Variants in ABLIM3 observed in about 807,000 individuals in gnomAD.
ABLIM3 encodes the protein actin binding LIM protein family member 3, also known as actin-binding LIM protein 3.
ABLIM3 carries 61 observed loss-of-function variants against 109.5 expected under a neutral mutation model. The ratio of observed to expected loss-of-function variants is 0.56; its 90% CI spans 0.45 to 0.69. ABLIM3 has a LOEUF of 0.69. Among genes scored for constraint, ABLIM3 ranks in the 30% least tolerant of loss-of-function variants. The pLI is 0.00. For synonymous variants in ABLIM3, 300 were observed against 324.8 expected (o/e 0.92, Z 0.82); for missense variants, 796 against 889.5 (o/e 0.89, Z 1.34).
chr5:149,245,870 T>G (rs765881486), intron 16 of ABLIM3, among the ~76,000 whole-genome samples: 1 of 152,194 alleles, frequency 6.6e-6, no homozygotes, highest in African/African-American at 2.4e-5. Flanking sequence ...AGCTCAGAGA[T>G]GACTCTTTGG....
Position 149,222,661 on chromosome 5 carries a change from C to CTT in ABLIM3, c.757+5638_757+5639dup, listed in dbSNP as rs552243427. 1.1e-3 allele frequency among the ~76,000 whole-genome samples: 135 copies of CTT among 124,398 alleles called. 1 individual carries two copies. The highest frequency in any genetic ancestry group is 3.7e-3 in the African/African-American group (119 of 32,194). 81.6% of individuals were successfully genotyped at this position (124,398 alleles called of 152,430 possible). A position where few individuals can be genotyped will look rare whatever the true frequency, so the allele number is the denominator to read the frequency against. On this transcript the variant is annotated intron_variant, in intron 8 of 23. Transcript: ENST00000309868. ...GTGTAACTGAATCTATTTCAGATTACTTTTTTTTTTTTTTTTTTTTTTTTA... is the reference window on the plus strand; with the variant it reads ...GTGTAACTGAATCTATTTCAGATTACTTTTTTTTTTTTTTTTTTTTTTTTTTA...
chr5:149,183,753 T>C (rs560001115), intron 3 of ABLIM3, among the ~76,000 whole-genome samples, 164 bp downstream of exon 3: 69 of 152,264 alleles, frequency 4.5e-4, no homozygotes, highest in Non-Finnish European at 8.7e-4. Flanking sequence ...TCCCTTAGAA[T>C]GAGGGCAGTG....
Position 149,247,867 on chromosome 5 carries a change from G to A in ABLIM3, c.1637G>A (p.Arg546Gln), listed in dbSNP as rs138587496. ...TATGCAGATCCCTGGACCCCTCCCC[G>A]GAGCTCCACCAGCAGCCGGGAAGCC... Reference protein sequence around the residue: ...SSYADPWTPPRSSTSSREALH... With the variant: ...SSYADPWTPPQSSTSSREALH... Residue 546 changes from arginine (R) to glutamine (Q), a missense_variant, in exon 18 of 24, where the codon CGG becomes CAG. Arg to Gln is a conservative substitution (Grantham distance 43). Transcript: ENST00000309868. 1.5e-4 allele frequency: 248 copies of A among 1,614,220 alleles called. No individual in the cohort carries two copies. The highest frequency in any genetic ancestry group is 3.4e-4 in the South Asian group (31 of 91,076).
intron 8 of ABLIM3, chr5:149,217,978 G>C (rs553265448): frequency 1.3e-5 from 2 of 152,380 alleles, no homozygotes; most frequent in African/African-American, 4.8e-5. Context: ...AACATCAGCT[G>C]TGGTAAGTGT....
At chr5:149,255,793 A>G (rs1420646662) in intron 23 of ABLIM3, among the ~76,000 whole-genome samples, 1 of 152,206 alleles carries the variant, frequency 6.6e-6, no homozygotes, top group Non-Finnish European at 1.5e-5. Context: ...AGGAAACTGG[A>G]AGCAGATCAC....
chr5:149,163,135 A>C (rs1754527919), intron 2 of ABLIM3, among the ~76,000 whole-genome samples: 1 of 152,136 alleles, frequency 6.6e-6, no homozygotes, highest in Non-Finnish European at 1.5e-5. Flanking sequence ...GAATGGTTTT[A>C]AGTTGCCACT....
intron 8 of ABLIM3, among the ~76,000 whole-genome samples, chr5:149,223,395 TG>T (rs1395569044): frequency 6.6e-6 from 1 of 152,230 alleles, no homozygotes; most frequent in African/African-American, 2.4e-5. Context: ...AATTGCCTGC[TG>T]GGCAAGTCAA....
chr5:149,232,513 T>C (rs1225289617), intron 9 of ABLIM3, among the ~76,000 whole-genome samples: 1 of 152,220 alleles, frequency 6.6e-6, no homozygotes, highest in African/African-American at 2.4e-5. Context: ...GGAAACTTTA[T>C]AGCCCCACTT....
At chr5:149,218,108 G>A (rs1231814399) in intron 8 of ABLIM3, 3 of 152,284 alleles carry the variant, frequency 2.0e-5, no homozygotes, top group Non-Finnish European at 4.4e-5. Flanking sequence ...GTTAACTGAT[G>A]TTGTAGTTCA....
At chr5:149,156,775 G>A (rs1753893192) in intron 2 of ABLIM3, among the ~76,000 whole-genome samples, 1 of 152,178 alleles carries the variant, frequency 6.6e-6, no homozygotes, top group African/African-American at 2.4e-5. Context: ...TCCTGTAAAG[G>A]GATTTGCAAG....
chr5:149,249,721 G>C, intron 18 of ABLIM3, 94 bp from the exon 19 acceptor site: 1 of 1,487,828 alleles, frequency 6.7e-7, no homozygotes. Flanking sequence ...AGGGGGATCG[G>C]GTATGGAAGC....
chr5:149,239,354 C>G (rs557277452), intron 12 of ABLIM3, 77 bp downstream of exon 12: 17 of 1,513,296 alleles, frequency 1.1e-5, no homozygotes, highest in South Asian at 2.3e-5. Context: ...CCCAGCCCCC[C>G]GAAGGTGTCT....
chr5:149,251,445 G>T, intron 21 of ABLIM3, 26 bp downstream of exon 21: 1 of 1,611,776 alleles, frequency 6.2e-7, no homozygotes, highest in Non-Finnish European at 8.5e-7. Context: ...CAGGGGGTCT[G>T]CAGGGAGAGT....
intron 9 of ABLIM3, among the ~76,000 whole-genome samples, chr5:149,232,511 T>C (rs1490375699): frequency 1.3e-5 from 2 of 152,212 alleles, no homozygotes; most frequent in Non-Finnish European, 2.9e-5. Flanking sequence ...TAGGAAACTT[T>C]ATAGCCCCAC....
intron 1 of ABLIM3, 137 bp downstream of exon 1, chr5:149,141,791 C>T (rs1031520918): frequency 2.2e-6 from 1 of 454,706 alleles, no homozygotes; most frequent in Non-Finnish European, 4.0e-6. Flanking sequence ...CGCGAGCAGG[C>T]GCTGCCAACC....
chr5:149,224,431 G>C (rs1329480931), intron 8 of ABLIM3, among the ~76,000 whole-genome samples: 1 of 152,096 alleles, frequency 6.6e-6, no homozygotes, highest in East Asian at 1.9e-4. Context: ...CATCATGTCA[G>C]CTCCAGGCAA....
Position 149,239,783 on chromosome 5 carries a change from C to G in ABLIM3, c.1099C>G (p.Arg367Gly), listed in dbSNP as rs150488528. Residue 367 changes from arginine (R) to glycine (G), a missense_variant, in exon 13 of 24, where the codon CGG becomes GGG. Physicochemically the swap from Arg to Gly is moderately radical, Grantham distance 125. Transcript: ENST00000309868. Reference sequence around the variant, plus strand: ...GGACATCTACGAGAACCTGGACCTCCGGCAGAGACGGGCCTCCAGCCCGGG... The same window carrying G: ...GGACATCTACGAGAACCTGGACCTCGGGCAGAGACGGGCCTCCAGCCCGGG... Reference protein sequence around the residue: ...SQDIYENLDLRQRRASSPGYI... With the variant: ...SQDIYENLDLGQRRASSPGYI... 6.8e-6 allele frequency: 11 copies of G among 1,607,416 alleles called. No individual in the cohort carries two copies. The highest frequency in any genetic ancestry group is 9.3e-6 in the Non-Finnish European group (11 of 1,177,028).
At chr5:149,153,694 C>T (rs930623580) in intron 2 of ABLIM3, among the ~76,000 whole-genome samples, 3 of 152,212 alleles carry the variant, frequency 2.0e-5, no homozygotes, top group African/African-American at 4.8e-5. Context: ...GTTGAAGGAA[C>T]AGTAGGAAGA....
Position 149,198,187 on chromosome 5 carries a change from A to G in ABLIM3, c.152-32A>G. On this transcript the variant is annotated intron_variant, in intron 3 of 23. Coordinates refer to ENST00000309868, the MANE Select transcript of ABLIM3 (RefSeq NM_014945.5). This position sits in a 1 kb window ranked among gnomAD's most constrained non-coding sequence, Gnocchi z 4.2. ...TGCTTACAGACCCTCCCTGGACTCAACCTGCCCTTGTTTTCCTCCTTGTTC... is the reference window on the plus strand; with the variant it reads ...TGCTTACAGACCCTCCCTGGACTCAGCCTGCCCTTGTTTTCCTCCTTGTTC... 6.3e-7 allele frequency: 1 copy of G among 1,593,856 alleles called. No homozygotes were observed. The highest frequency in any genetic ancestry group is 8.6e-7 in the Non-Finnish European group (1 of 1,169,578).
Sources: gnomAD v4.1 joint callset for allele counts (sites outside exome capture counted in the v4.1 genomes callset) on GRCh38, gnomAD v4.1.1 for gene constraint, Gnocchi (gnomAD v3.1) non-coding constraint, MANE v1.5 for transcripts, NCBI Gene and HGNC (gene_info 2026-07-23, HGNC 2026-07-21) for gene names.